Variants in VAV3 observed in about 807,000 individuals in gnomAD.
The protein encoded by VAV3 is vav guanine nucleotide exchange factor 3.
A neutral mutation model predicts 131.2 loss-of-function variants in VAV3; 94 were observed. That is an observed-to-expected ratio of 0.72 (90% CI 0.61 to 0.85). The LOEUF is 0.85. Among genes scored for constraint, VAV3 ranks in the 40% least tolerant of loss-of-function variants. VAV3 has a pLI of 0.00. For missense variants in VAV3, 939 were observed against 1,002.7 expected, an observed-to-expected ratio of 0.94 and a Z score of 0.86; for synonymous variants, 349 against 342.0, an observed-to-expected ratio of 1.02 and a Z score of -0.22.
chr1:107,935,703 C>T (rs1032856044), intron 1 of VAV3, among the ~76,000 whole-genome samples: 1 of 152,112 alleles, frequency 6.6e-6, no homozygotes, highest in Non-Finnish European at 1.5e-5. Context: ...TGCACCATGA[C>T]AAAGGGGAAG....
chr1:107,766,094 G>A lies in VAV3; in HGVS notation c.821+353C>T, dbSNP rs185456780. Among the ~76,000 whole-genome samples the A allele has an allele frequency of 1.1e-4, 17 of 152,196 alleles. No individual in the cohort carries two copies. In the East Asian group the frequency reaches 2.7e-3, roughly 24 times the overall value. ...TTAAGTACCAGCTAATCTACCTCCGGTGTTTACAGATGGGGACACAGAGGC... is the reference window on the plus strand; with the variant it reads ...TTAAGTACCAGCTAATCTACCTCCGATGTTTACAGATGGGGACACAGAGGC... On this transcript the variant is annotated intron_variant, in intron 8 of 26. Coordinates refer to ENST00000370056, the MANE Select transcript of VAV3 (RefSeq NM_006113.5).
intron 1 of VAV3, among the ~76,000 whole-genome samples, chr1:107,908,253 G>C (rs554343759): frequency 6.6e-6 from 1 of 152,270 alleles, no homozygotes; most frequent in South Asian, 2.1e-4. Flanking sequence ...GGTAGAAGTG[G>C]GGATAGATGT....
intron 25 of VAV3, among the ~76,000 whole-genome samples, chr1:107,583,145 G>C (rs572727446): frequency 6.6e-6 from 1 of 152,084 alleles, no homozygotes; most frequent in Non-Finnish European, 1.5e-5. Context: ...GTTTTGATTT[G>C]CATTTCTCTG....
At chr1:107,629,674 G>A (rs1316451717) in intron 20 of VAV3, among the ~76,000 whole-genome samples, 1 of 152,138 alleles carries the variant, frequency 6.6e-6, no homozygotes, top group Non-Finnish European at 1.5e-5. Context: ...ATCCTGAAAT[G>A]CAAAGACTGA....
At chr1:107,905,891 G>A (rs999633182) in intron 1 of VAV3, among the ~76,000 whole-genome samples, 7 of 152,030 alleles carry the variant, frequency 4.6e-5, no homozygotes, top group Non-Finnish European at 7.4e-5. Flanking sequence ...TAAATTCAAA[G>A]TCAAGCAGGA....
intron 19 of VAV3, among the ~76,000 whole-genome samples, chr1:107,658,771 C>A (rs1385726356): frequency 1.3e-5 from 2 of 152,078 alleles, no homozygotes; most frequent in Non-Finnish European, 2.9e-5. Context: ...CTGTTGATAT[C>A]CTTCACCCAC....
At chr1:107,813,460 C>G (rs918004096) in intron 2 of VAV3, among the ~76,000 whole-genome samples, 1 of 152,052 alleles carries the variant, frequency 6.6e-6, no homozygotes, top group Non-Finnish European at 1.5e-5. Context: ...TATGGTTAAC[C>G]ATAATAATTT....
At chr1:107,909,295 A>G (rs1016534162) in intron 1 of VAV3, among the ~76,000 whole-genome samples, 3 of 152,192 alleles carry the variant, frequency 2.0e-5, no homozygotes, top group Non-Finnish European at 2.9e-5. Flanking sequence ...AAATATGAGT[A>G]CCTCACAGCT....
chr1:107,797,638 A>G (rs1666610677), intron 2 of VAV3, among the ~76,000 whole-genome samples: 1 of 152,222 alleles, frequency 6.6e-6, no homozygotes, highest in African/African-American at 2.4e-5. Context: ...ATGGTGGAGA[A>G]TGGCATTCTA....
Position 107,620,003 on chromosome 1 carries a change from T to G in VAV3, c.1915-2371A>C, listed in dbSNP as rs200740159. Among the ~76,000 whole-genome samples, 12 of 152,312 alleles carry G rather than the reference T, an allele frequency of 7.9e-5. No homozygotes were observed. In the East Asian group the frequency reaches 1.5e-3, roughly 20 times the overall value. ...GGAGCAGATCCCAGATTGAATCCCA[T>G]GCACACCTTTCCATACCCTTGGTGA... is the stretch of plus-strand genomic sequence containing the variant. On this transcript the variant is annotated intron_variant, in intron 20 of 26. Transcript: ENST00000370056.
At chr1:107,705,970 A>T (rs1387037982) in intron 15 of VAV3, among the ~76,000 whole-genome samples, 1 of 152,186 alleles carries the variant, frequency 6.6e-6, no homozygotes, top group Non-Finnish European at 1.5e-5. Flanking sequence ...CTTAGTAGGT[A>T]TTTTGAAAAC....
intron 17 of VAV3, among the ~76,000 whole-genome samples, chr1:107,694,820 A>G (rs1659649540): frequency 6.6e-6 from 1 of 152,148 alleles, no homozygotes; most frequent in African/African-American, 2.4e-5. Flanking sequence ...CAAAACACCA[A>G]TTAGGTATGG....
At chr1:107,812,880 T>G (rs1408200335) in intron 2 of VAV3, among the ~76,000 whole-genome samples, 1 of 152,032 alleles carries the variant, frequency 6.6e-6, no homozygotes, top group African/African-American at 2.4e-5. Flanking sequence ...TCCCAGCACT[T>G]TGGGAGGCCA....
intron 2 of VAV3, among the ~76,000 whole-genome samples, chr1:107,870,741 C>T (rs569071850): frequency 3.3e-4 from 50 of 152,198 alleles, no homozygotes; most frequent in African/African-American, 1.2e-3. Context: ...TTCCTTTTGA[C>T]GGTGCCTGTC....
At chr1:107,659,869 G>A (rs1656876697) in intron 19 of VAV3, among the ~76,000 whole-genome samples, 1 of 152,158 alleles carries the variant, frequency 6.6e-6, no homozygotes, top group Non-Finnish European at 1.5e-5. Flanking sequence ...GGAGAGTGGT[G>A]AGGGCTAAAC....
At chr1:107,669,102 G>A (rs1024249609) in intron 19 of VAV3, 14 of 1,087,046 alleles carry the variant, frequency 1.3e-5, no homozygotes, top group East Asian at 8.9e-5. Flanking sequence ...GAGTTATGCC[G>A]GTGTTCTTTA....
At chr1:107,698,528 T>TA (rs1659885785) in intron 17 of VAV3, among the ~76,000 whole-genome samples, 1 of 152,198 alleles carries the variant, frequency 6.6e-6, no homozygotes. Flanking sequence ...AGTTTCCACT[T>TA]ACAATGGCTT....
chr1:107,658,203 G>GT (rs1325941815), intron 19 of VAV3, among the ~76,000 whole-genome samples: 1 of 152,136 alleles, frequency 6.6e-6, no homozygotes, highest in African/African-American at 2.4e-5. Context: ...GCGGTGTTTG[G>GT]TTTTTTGTTC....
chr1:107,893,652 A>G (rs908574091), intron 1 of VAV3, among the ~76,000 whole-genome samples: 3 of 152,224 alleles, frequency 2.0e-5, no homozygotes, highest in Non-Finnish European at 4.4e-5. Flanking sequence ...ACATGAGAAC[A>G]GCACAGGAAA....
Sources: allele counts gnomAD v4.1 joint callset (sites outside exome capture counted in the v4.1 genomes callset), GRCh38; gene constraint gnomAD v4.1.1; transcripts MANE v1.5; gene names NCBI Gene and HGNC (gene_info 2026-07-23, HGNC 2026-07-21).